PCDHGA1: variants seen among roughly 807,000 people sequenced by gnomAD.
PCDHGA1 encodes protocadherin gamma subfamily A, 1.
In PCDHGA1, 32 loss-of-function variants were observed where a neutral mutation model predicts 58.0. The ratio of observed to expected loss-of-function variants is 0.55; its 90% CI spans 0.42 to 0.74. The LOEUF is 0.74. Ranked by LOEUF, PCDHGA1 falls within the 30% of genes least tolerant of loss-of-function variation. PCDHGA1 has a pLI of 0.00. For missense variants in PCDHGA1, 1,205 were observed against 1,182.3 expected (o/e 1.02, Z -0.28); for synonymous variants, 498 against 501.1 (o/e 0.99, Z 0.08).
intron 1 of PCDHGA1, chr5:141,377,028 G>A (rs776077319): frequency 2.5e-4 from 39 of 154,858 alleles, no homozygotes; most frequent in Admixed American, 6.4e-5. Context: ...ATTCAAGATT[G>A]TCTTTGATTA....
chr5:141,379,878 T>C (rs1775912256), intron 1 of PCDHGA1, among the ~76,000 whole-genome samples: 1 of 147,082 alleles, frequency 6.8e-6, no homozygotes, highest in African/African-American at 2.5e-5. Flanking sequence ...TTTTATGGTC[T>C]GTGAAAGCCT....
At chr5:141,385,262 A>C (rs746220376) in intron 1 of PCDHGA1, 5 of 1,613,732 alleles carry the variant, frequency 3.1e-6, no homozygotes, top group Non-Finnish European at 4.2e-6. Flanking sequence ...TGTGAGAAAA[A>C]TGATTCTTTG....
chr5:141,365,810 G>A, intron 1 of PCDHGA1: 1 of 1,613,920 alleles, frequency 6.2e-7, no homozygotes, highest in East Asian at 2.2e-5. Flanking sequence ...CCTGGCTGAA[G>A]ACACATTTCA....
At position 141,388,660 on chromosome 5, in the gene PCDHGA1, C is replaced by A. The variant is rs762083225; in HGVS notation, c.2421+55555C>A. 5.0e-6 allele frequency: 8 copies of A among 1,613,714 alleles called. No individual in the cohort carries two copies. The South Asian group carries it at 8.8e-5, about 18-fold the overall frequency. On this transcript the variant is annotated intron_variant, in intron 1 of 3. Transcript: ENST00000517417. Reference sequence around the variant, plus strand: ...CTTTCAGAAAACGTGTACCCGGGGACCACGGTGCTACAGGTGACTGCCACG... The same window carrying A: ...CTTTCAGAAAACGTGTACCCGGGGAACACGGTGCTACAGGTGACTGCCACG...
intron 1 of PCDHGA1, chr5:141,364,253 T>C (rs1355902961): frequency 1.2e-5 from 18 of 1,490,992 alleles, no homozygotes; most frequent in Non-Finnish European, 1.6e-5. Context: ...TCAGGGAATA[T>C]GTACCCATCG....
At chr5:141,417,900 G>T (rs563876979) in intron 1 of PCDHGA1, 1 of 1,583,452 alleles carries the variant, frequency 6.3e-7, no homozygotes, top group African/African-American at 1.3e-5. Flanking sequence ...GCCGGCCCGC[G>T]GCAGGTACTA....
chr5:141,330,944 C>T lies in PCDHGA1; in HGVS notation c.260C>T (p.Ala87Val), dbSNP rs551390034. 8 of 1,614,216 alleles carry T rather than the reference C, an allele frequency of 5.0e-6. No individual in the cohort carries two copies. Among genetic ancestry groups the T allele is most frequent in the South Asian group, 1.1e-5 (1 of 91,090 alleles). The change falls in exon 1 of 4, where the codon GCG (alanine) becomes GTG (valine). Residue 87 changes from alanine (A) to valine (V), a missense_variant. Ala to Val is a moderately conservative substitution (Grantham distance 64). Transcript: ENST00000517417. The stretch of plus-strand genomic sequence containing the variant: ...CCTAGAAGTGGCAGCTTGATCACCG[C>T]GCGCAGGATAGACCGGGAGGAGCTC... ...LNPRSGSLIT[A>V]RRIDREELCA...
chr5:141,446,747 G>A (rs997132200), intron 1 of PCDHGA1, among the ~76,000 whole-genome samples: 10 of 152,190 alleles, frequency 6.6e-5, no homozygotes, highest in African/African-American at 1.4e-4. Context: ...GATTACAGGC[G>A]TGAGCCACCG....
chr5:141,432,887 T>A lies in PCDHGA1; in HGVS notation c.2422-61920T>A, dbSNP rs146168033. On this transcript the variant is annotated intron_variant, in intron 1 of 3. Coordinates refer to ENST00000517417, the MANE Select transcript of PCDHGA1 (RefSeq NM_018912.3). The surrounding 1 kb of genome is among the most constrained non-coding windows in gnomAD (Gnocchi z 6.0). ...CTGCGTCTTCCTGGCCTTCGTCATC[T>A]TGCTGCTGGCGCTCAGGCTGCGGCG... 1.2e-6 allele frequency: 2 copies of A among 1,614,056 alleles called. No homozygotes were observed. Among genetic ancestry groups the A allele is most frequent in the Non-Finnish European group, 1.7e-6 (2 of 1,179,998 alleles).
rs756332070 is a variant in PCDHGA1, at chr5:141,431,578, C to A, written c.2422-63229C>A. The stretch of plus-strand genomic sequence containing the variant: ...ACGCTACCGACCCTGACGAAGGAGT[C>A]AATGCGGAAGTGAGGTATTCCTTCC... On this transcript the variant is annotated intron_variant, in intron 1 of 3. Transcript: ENST00000517417. This position sits in a 1 kb window ranked among gnomAD's most constrained non-coding sequence, Gnocchi z 4.8. 6.2e-7 allele frequency: 1 copy of A among 1,614,164 alleles called. No homozygotes were observed. Among genetic ancestry groups the A allele is most frequent in the African/African-American group, 1.3e-5 (1 of 75,060 alleles).
rs759647406 is a variant in PCDHGA1 at position 141,493,849 on chromosome 5, A to G, written c.2422-958A>G. Among the ~76,000 whole-genome samples the G allele has an allele frequency of 6.6e-6, 1 of 152,178 alleles. No individual in the cohort carries two copies. The highest frequency in any genetic ancestry group is 1.5e-5 in the Non-Finnish European group (1 of 68,028). ...CTGGGAGCAAGTATGAGTATTAATT[A>G]CCAGCCCACCCCAGAACCAGTGAGG... On this transcript the variant is annotated intron_variant, in intron 1 of 3. Coordinates refer to ENST00000517417, the MANE Select transcript of PCDHGA1 (RefSeq NM_018912.3). The surrounding 1 kb of genome is among the most constrained non-coding windows in gnomAD (Gnocchi z 4.3).
intron 1 of PCDHGA1, chr5:141,478,613 G>T: frequency 6.4e-7 from 1 of 1,557,312 alleles, no homozygotes; most frequent in African/African-American, 1.4e-5. Flanking sequence ...ATTGAGGAAG[G>T]AATGGAGCTG....
At chr5:141,421,278 G>A (rs764787116) in intron 1 of PCDHGA1, 1 of 1,612,872 alleles carries the variant, frequency 6.2e-7, no homozygotes, top group African/African-American at 1.3e-5. Flanking sequence ...TGCTGCTGCT[G>A]TGCATTTTCC....
At position 141,368,797 on chromosome 5, in the gene PCDHGA1, A is replaced by G. The variant is rs560030013; in HGVS notation, c.2421+35692A>G. On this transcript the variant is annotated intron_variant, in intron 1 of 3. Coordinates refer to ENST00000517417, the MANE Select transcript of PCDHGA1 (RefSeq NM_018912.3). ...TGTGTTCTGAAGAATAATTTTTCAT[A>G]CTAATTGAAGTGTTCATACAATGAA... Among the ~76,000 whole-genome samples, 8 of 152,330 alleles carry G rather than the reference A, an allele frequency of 5.3e-5. No individual in the cohort carries two copies. The South Asian group carries it at 1.7e-3, about 32-fold the overall frequency.
chr5:141,361,757 C>T (rs1160428745), intron 1 of PCDHGA1: 2 of 1,613,096 alleles, frequency 1.2e-6, no homozygotes, highest in Non-Finnish European at 8.5e-7. Context: ...GGCTCGCCCG[C>T]GCTCAGCGCC....
chr5:141,505,711 A>C (rs372711957), intron 3 of PCDHGA1, among the ~76,000 whole-genome samples: 17 of 152,058 alleles, frequency 1.1e-4, no homozygotes, highest in Admixed American at 2.6e-4. Context: ...CAAGGAAAAG[A>C]CTCATGGAGG....
chr5:141,485,003 A>G lies in PCDHGA1; in HGVS notation c.2422-9804A>G. On this transcript the variant is annotated intron_variant, in intron 1 of 3. Coordinates refer to ENST00000517417, the MANE Select transcript of PCDHGA1 (RefSeq NM_018912.3). The surrounding 1 kb of genome is among the most constrained non-coding windows in gnomAD (Gnocchi z 5.7). ...CAATCGGGTGGTGAAAGGCAGACAA[A>G]TCTACCCCGCCACCAGCAAAAACGG... 1 of 620,758 alleles carries G rather than the reference A, an allele frequency of 1.6e-6. No homozygotes were observed. The highest frequency in any genetic ancestry group is 2.0e-5 in the South Asian group (1 of 50,492). The allele number at this position is 620,758 out of a possible 1,614,324, so 38.5% of individuals were successfully genotyped here.
chr5:141,418,063 G>T (rs2015825), intron 1 of PCDHGA1: 734,858 of 1,613,808 alleles, frequency 0.46, 174,471 homozygotes, highest in African/African-American at 0.8. Flanking sequence ...AGCTGCGAGT[G>T]AGCGCGGAGA....
chr5:141,414,934 G>A (rs1473788181), intron 1 of PCDHGA1: 1 of 1,614,146 alleles, frequency 6.2e-7, no homozygotes, highest in South Asian at 1.1e-5. Context: ...CCGCTCCGCA[G>A]AGCCCGGCTA....
Sources: allele counts gnomAD v4.1 joint callset (sites outside exome capture counted in the v4.1 genomes callset), GRCh38; gene constraint gnomAD v4.1.1; non-coding constraint Gnocchi (gnomAD v3.1); transcripts MANE v1.5; gene names NCBI Gene and HGNC (gene_info 2026-07-23, HGNC 2026-07-21).